AOPEP: variants seen among roughly 807,000 people sequenced by gnomAD.
The protein encoded by AOPEP is aminopeptidase O (putative), also known as aminopeptidase O.
A neutral mutation model predicts 98.1 loss-of-function variants in AOPEP; 77 were observed. The observed-to-expected ratio is 0.78, with a 90% CI of 0.65 to 0.95. The LOEUF is 0.95. Among genes scored for constraint, AOPEP ranks in the 40% least tolerant of loss-of-function variants. AOPEP has a pLI of 0.00. For missense variants in AOPEP, 1,024 were observed against 1,024.7 expected (o/e 1.00, Z 0.01); for synonymous variants, 346 against 365.3 (o/e 0.95, Z 0.60).
the AOPEP span, among the ~76,000 whole-genome samples, chr9:95,148,956 T>C: frequency 6.6e-6 from 1 of 152,198 alleles, no homozygotes; most frequent in Non-Finnish European, 1.5e-5. Context: ...CTGGATTTTC[T>C]TCATACACTT....
intron 5 of AOPEP, among the ~76,000 whole-genome samples, chr9:94,891,957 TGAAAGGATTTA>T (rs1223784247): frequency 6.6e-6 from 1 of 152,208 alleles, no homozygotes; most frequent in African/African-American, 2.4e-5. Context: ...CCATTATTTC[TGAAAGGATTTA>T]GGGTTGATAT....
chr9:95,008,380 C>G (rs750743165), intron 13 of AOPEP, among the ~76,000 whole-genome samples: 1 of 152,094 alleles, frequency 6.6e-6, no homozygotes, highest in African/African-American at 2.4e-5. Flanking sequence ...CTGACCTGCC[C>G]GGGAAAGGAA....
In AOPEP at chr9:94,924,055, C is replaced by T; in HGVS notation, c.1434C>T (p.Cys478=). The T allele has an allele frequency of 3.9e-6, 6 of 1,525,732 alleles. No homozygotes were observed. The highest frequency in any genetic ancestry group is 4.4e-6 in the Non-Finnish European group (5 of 1,134,066). The allele number at this position is 1,525,732 out of a possible 1,614,324, so 94.5% of individuals were successfully genotyped here. A position where few individuals can be genotyped will look rare whatever the true frequency, so the allele number is the denominator to read the frequency against. ...GGNHLCGTRL[C]HEIAHAWFGL... Reference sequence around the variant, plus strand: ...ACCATCTCTGTGGGACCCGCCTCTGCCATGAAATTGCCCATGCCTGGTTTG... The same window carrying T: ...ACCATCTCTGTGGGACCCGCCTCTGTCATGAAATTGCCCATGCCTGGTTTG... Residue 478 remains cysteine (C), a synonymous_variant, in exon 6 of 17, where the codon TGC becomes TGT. Coordinates refer to ENST00000375315, the MANE Select transcript of AOPEP (RefSeq NM_001193329.3).
intron 5 of AOPEP, among the ~76,000 whole-genome samples, chr9:94,808,814 G>T (rs1849824899): frequency 6.6e-6 from 1 of 152,236 alleles, no homozygotes; most frequent in East Asian, 1.9e-4. Context: ...ACCCACCCTT[G>T]GCCTGTGCTC....
downstream of AOPEP, among the ~76,000 whole-genome samples, chr9:95,089,319 G>A (rs2070833930): frequency 6.6e-6 from 1 of 152,248 alleles, no homozygotes; most frequent in Non-Finnish European, 1.5e-5. Context: ...TGTGACAACT[G>A]AGGCTAGAAC....
intron 5 of AOPEP, among the ~76,000 whole-genome samples, chr9:94,907,278 G>C (rs755677429): frequency 1.3e-5 from 2 of 152,128 alleles, no homozygotes; most frequent in Non-Finnish European, 2.9e-5. Flanking sequence ...GGCATGTGTG[G>C]AGCATGTGAA....
chr9:95,096,659 G>A, the AOPEP span, among the ~76,000 whole-genome samples: 9 of 151,118 alleles, frequency 6.0e-5, no homozygotes, highest in Admixed American at 5.2e-4. Flanking sequence ...GTCAGGAGAA[G>A]AGGAGGAGCA....
rs991889188 is a variant in AOPEP, at chr9:94,924,140, C to G, written c.1519C>G (p.His507Asp). The stretch of plus-strand genomic sequence containing the variant: ...GTGGCTGAGTGAAGGCTTCGCCACT[C>G]ACTTGGAGGATGTGTTTTGGGCCAC... Reference protein sequence around the residue: ...EEWLSEGFATHLEDVFWATAQ... With the variant: ...EEWLSEGFATDLEDVFWATAQ... Residue 507 changes from histidine (H) to aspartate (D), a missense_variant, in exon 6 of 17, where the codon CAC (histidine) becomes GAC (aspartate). His to Asp is a moderately conservative substitution (Grantham distance 81). Coordinates refer to ENST00000375315, the MANE Select transcript of AOPEP (RefSeq NM_001193329.3). 14 of 1,473,680 alleles carry G rather than the reference C, an allele frequency of 9.5e-6. No homozygotes were observed. The highest frequency in any genetic ancestry group is 1.7e-4 in the Middle Eastern group (1 of 5,752). 91.3% of individuals were successfully genotyped at this position (1,473,680 alleles called of 1,614,324 possible).
chr9:94,989,355 G>A (rs1045338286), intron 11 of AOPEP, among the ~76,000 whole-genome samples: 1 of 152,012 alleles, frequency 6.6e-6, no homozygotes, highest in Non-Finnish European at 1.5e-5. Context: ...GCCCACCTTG[G>A]CCTCCCAAAG....
chr9:95,005,544 C>T lies in AOPEP; in HGVS notation c.2043C>T (p.Val681=), dbSNP rs765490685. 52 of 1,613,648 alleles carry T rather than the reference C, an allele frequency of 3.2e-5. No homozygotes were observed. Among genetic ancestry groups the T allele is most frequent in the Non-Finnish European group, 4.0e-5 (47 of 1,179,830 alleles). The change falls in exon 13 of 17, where the codon GTC becomes GTT. Residue 681 remains valine, a splice_region_variant and synonymous_variant. Coordinates refer to ENST00000375315, the MANE Select transcript of AOPEP (RefSeq NM_001193329.3). ...CGLARQVRAE[V]TKWIGVNRRP... Reference sequence around the variant, plus strand: ...ATGCTGTGGTTTTTGAACCTCAGGTCACGAAATGGATTGGAGTGAACCGGA... The same window carrying T: ...ATGCTGTGGTTTTTGAACCTCAGGTTACGAAATGGATTGGAGTGAACCGGA...
At chr9:94,909,128 T>C (rs937494222) in intron 5 of AOPEP, among the ~76,000 whole-genome samples, 1 of 152,290 alleles carries the variant, frequency 6.6e-6, no homozygotes, top group East Asian at 1.9e-4. Flanking sequence ...AGTCCGTGAA[T>C]GGAAATCACG....
chr9:94,971,927 T>C (rs2059560352), intron 10 of AOPEP, among the ~76,000 whole-genome samples: 1 of 152,218 alleles, frequency 6.6e-6, no homozygotes, highest in African/African-American at 2.4e-5. Context: ...TTCAGGCACC[T>C]GTACCTCTAA....
At chr9:94,788,618 G>A (rs745404906) in intron 3 of AOPEP, among the ~76,000 whole-genome samples, 2 of 152,088 alleles carry the variant, frequency 1.3e-5, no homozygotes, top group Admixed American at 6.6e-5. Context: ...ATTGGAAGCT[G>A]TGAATACATT....
At chr9:95,064,882 T>G (rs1044357288) in intron 14 of AOPEP, among the ~76,000 whole-genome samples, 35 of 152,210 alleles carry the variant, frequency 2.3e-4, no homozygotes, top group African/African-American at 8.0e-4. Flanking sequence ...GAATGAAGGT[T>G]TGATGGTTGT....
intron 2 of AOPEP, 51 bp from the exon 3 acceptor site, chr9:94,772,951 C>T (rs539534125): frequency 1.3e-6 from 2 of 1,512,028 alleles, no homozygotes; most frequent in Admixed American, 2.0e-5. Flanking sequence ...AGAAAAGTGA[C>T]AACTCATTTT....
intron 10 of AOPEP, among the ~76,000 whole-genome samples, chr9:94,971,826 A>G (rs2059554030): frequency 6.6e-6 from 1 of 152,218 alleles, no homozygotes; most frequent in South Asian, 2.1e-4. Context: ...CAAAACAGAA[A>G]CAAGTCATTA....
At chr9:94,926,735 G>T (rs1464201320) in intron 6 of AOPEP, among the ~76,000 whole-genome samples, 1 of 151,742 alleles carries the variant, frequency 6.6e-6, no homozygotes, top group South Asian at 2.1e-4. Context: ...AGGGGTCACC[G>T]GGGTCACTTT....
In AOPEP at chr9:95,085,525, C is replaced by T. The variant is rs192552111; in HGVS notation, c.*5-1157C>T. ...CTTTGTTCACAGTGGCTAAGTTCTG[C>T]ACCTGAAGAGAAGGTGAGATGGGGA... On this transcript the variant is annotated intron_variant, in intron 16 of 16. Transcript: ENST00000375315. 2.6e-4 allele frequency: 133 copies of T among 519,780 alleles called. 1 individual carries two copies. Among genetic ancestry groups the T allele is most frequent in the Non-Finnish European group, 9.5e-5 (24 of 252,832 alleles). The allele number at this position is 519,780 out of a possible 1,614,324, so 32.2% of individuals were successfully genotyped here.
chr9:95,086,553 G>A, intron 16 of AOPEP, 129 bp from the exon 17 acceptor site: 1 of 1,005,870 alleles, frequency 9.9e-7, no homozygotes, highest in East Asian at 1.0e-4. Context: ...AAATGGGCCT[G>A]GGTCTTCTCC....
Sources: allele counts gnomAD v4.1 joint callset (sites outside exome capture counted in the v4.1 genomes callset), GRCh38; gene constraint gnomAD v4.1.1; transcripts MANE v1.5; gene names NCBI Gene and HGNC (gene_info 2026-07-23, HGNC 2026-07-21).